The following SVIL variants were observed in gnomAD, a reference collection of about 807,000 sequenced individuals.
SVIL encodes the protein archvillin.
In SVIL, 101 loss-of-function variants were observed where a neutral mutation model predicts 240.4. The ratio of observed to expected loss-of-function variants is 0.42; its 90% CI spans 0.36 to 0.50. The LOEUF (loss-of-function observed/expected upper bound fraction) is 0.50, where lower values mean the gene tolerates loss of function less well. Ranked by LOEUF, SVIL falls within the 20% of genes least tolerant of loss-of-function variation. The pLI, the probability that SVIL is intolerant of heterozygous loss-of-function variation, is 0.01. For missense variants in SVIL, 2,512 were observed against 2,818.7 expected (o/e 0.89, Z 2.46); for synonymous variants, 999 against 1,100.0 (o/e 0.91, Z 1.82).
At chr10:29,574,152 C>CAATG (rs1955579762) in intron 1 of SVIL, among the ~76,000 whole-genome samples, 1 of 152,148 alleles carries the variant, frequency 6.6e-6, no homozygotes, top group South Asian at 2.1e-4. Flanking sequence ...TACTCAGGGG[C>CAATG]AATGCTTTAT....
chr10:29,463,363 C>A, intron 35 of SVIL, 129 bp downstream of exon 35: 1 of 1,296,084 alleles, frequency 7.7e-7, no homozygotes, highest in Non-Finnish European at 1.0e-6. Flanking sequence ...GGTTTCATCA[C>A]CACCTGCCAG....
intron 2 of SVIL, among the ~76,000 whole-genome samples, chr10:29,563,866 A>G (rs996394697): frequency 7.2e-6 from 1 of 139,724 alleles, no homozygotes; most frequent in South Asian, 2.3e-4. Flanking sequence ...ACTTTCCCCC[A>G]TGTATCTCCT....
At chr10:29,594,080 C>T (rs1182020782) in intron 1 of SVIL, among the ~76,000 whole-genome samples, 1 of 152,180 alleles carries the variant, frequency 6.6e-6, no homozygotes, top group Admixed American at 6.5e-5. Context: ...GACAATGACA[C>T]TTTTGATTTC....
chr10:29,563,207 GAAGTGCAACTAA>G lies in SVIL; in HGVS notation c.-69_-58del, dbSNP rs1954672237. On this transcript the variant is annotated 5_prime_UTR_variant, in exon 3 of 38. An upstream open reading frame in the 5' UTR loses its in-frame stop. Transcript: ENST00000355867. ...CACTTAGGAACAGCCTTACCTTTAG[GAAGTGCAACTAA>G]AAGCTGAGCATCGATTCCTCTTTCG... The G allele has an allele frequency of 1.0e-6, 1 of 979,128 alleles. No homozygotes were observed. Among genetic ancestry groups the G allele is most frequent in the Non-Finnish European group, 1.2e-6 (1 of 823,996 alleles). 60.7% of individuals were successfully genotyped at this position (979,128 alleles called of 1,614,324 possible). A position where few individuals can be genotyped will look rare whatever the true frequency, so the allele number is the denominator to read the frequency against.
At chr10:29,514,757 C>A (rs764615027) in intron 16 of SVIL, among the ~76,000 whole-genome samples, 1 of 152,096 alleles carries the variant, frequency 6.6e-6, no homozygotes, top group Non-Finnish European at 1.5e-5. Flanking sequence ...GTTCTCCCTC[C>A]TATATCTGTC....
chr10:29,514,626 C>T (rs1589066746), intron 16 of SVIL, among the ~76,000 whole-genome samples: 1 of 152,330 alleles, frequency 6.6e-6, no homozygotes. Flanking sequence ...AAGCGATCCC[C>T]TGCCTCAGCC....
chr10:29,619,986 G>A (rs1425486501), intron 1 of SVIL, among the ~76,000 whole-genome samples: 1 of 152,074 alleles, frequency 6.6e-6, no homozygotes, highest in East Asian at 1.9e-4. Context: ...ATCCTAAGAA[G>A]AAATAACAGC....
intron 17 of SVIL, among the ~76,000 whole-genome samples, chr10:29,505,952 G>A (rs974536851): frequency 2.0e-5 from 3 of 152,176 alleles, no homozygotes; most frequent in African/African-American, 7.2e-5. Flanking sequence ...AAATGGGGTA[G>A]GATTTGCACA....
intron 17 of SVIL, among the ~76,000 whole-genome samples, chr10:29,506,549 CG>C: frequency 6.6e-6 from 1 of 152,228 alleles, no homozygotes; most frequent in South Asian, 2.1e-4. Flanking sequence ...AGGCCCATCG[CG>C]GCACTGTCAG....
intron 1 of SVIL, among the ~76,000 whole-genome samples, chr10:29,588,091 T>C (rs1426645394): frequency 6.6e-6 from 1 of 151,834 alleles, no homozygotes; most frequent in African/African-American, 2.4e-5. Context: ...GGGGCCCCTT[T>C]GTCATTCAGA....
chr10:29,508,341 C>T, intron 17 of SVIL: 3 of 1,288,784 alleles, frequency 2.3e-6, no homozygotes, highest in Non-Finnish European at 3.0e-6. Flanking sequence ...GTCAGGCTTA[C>T]CCAAAGCAGA....
Position 29,458,056 on chromosome 10 carries a change from C to CCAAA in SVIL, c.*187_*190dup, listed in dbSNP as rs1943759158. 3 of 585,252 alleles carry CCAAA rather than the reference C, an allele frequency of 5.1e-6. No individual in the cohort carries two copies. Among genetic ancestry groups the CCAAA allele is most frequent in the Middle Eastern group, 4.6e-4 (1 of 2,160 alleles). 36.3% of individuals were successfully genotyped at this position (585,252 alleles called of 1,614,324 possible). A position where few individuals can be genotyped will look rare whatever the true frequency, so the allele number is the denominator to read the frequency against. On this transcript the variant is annotated 3_prime_UTR_variant, in exon 38 of 38. Transcript: ENST00000355867. ...CCTCCTGAATGGTGGAAAGAAGTTTCCAAACAGTTCCCTTGAACATTTACA... is the reference window on the plus strand; with the variant it reads ...CCTCCTGAATGGTGGAAAGAAGTTTCCAAACAAACAGTTCCCTTGAACATTTACA...
chr10:29,533,494 C>T, intron 7 of SVIL, 36 bp from the exon 8 acceptor site: 4 of 1,579,364 alleles, frequency 2.5e-6, no homozygotes, highest in Non-Finnish European at 3.4e-6. Context: ...TTGCAAAGTG[C>T]AGTAACGGCC....
chr10:29,661,245 C>T (rs1959153868), intron 2 of SVIL, among the ~76,000 whole-genome samples: 2 of 151,674 alleles, frequency 1.3e-5, no homozygotes, highest in African/African-American at 4.8e-5. Context: ...AAGGGAAAAC[C>T]TCAGTCACTA....
rs556763553 is a variant in SVIL, at chr10:29,621,056, G to GCAA, written c.-201+13363_-201+13364insTTG. Among the ~76,000 whole-genome samples the GCAA allele has an allele frequency of 4.9e-3, 714 of 145,228 alleles. 4 individuals carry two copies. The highest frequency in any genetic ancestry group is 0.018 in the African/African-American group (687 of 39,018). ...TGGCCTCAAGCAATTCTCCCACCTT[G>GCAA]GCCTCCCAAAGTGCTGGGATTACAG... is the stretch of plus-strand genomic sequence containing the variant. On this transcript the variant is annotated intron_variant, in intron 1 of 37. Transcript: ENST00000355867.
chr10:29,491,974 A>T (rs570677322), intron 21 of SVIL, among the ~76,000 whole-genome samples: 1 of 152,252 alleles, frequency 6.6e-6, no homozygotes, highest in Non-Finnish European at 1.5e-5. Flanking sequence ...AAACTGGAAT[A>T]TGCAAAGAAT....
At chr10:29,672,578 T>C (rs1021896639) in intron 2 of SVIL, among the ~76,000 whole-genome samples, 2 of 152,188 alleles carry the variant, frequency 1.3e-5, no homozygotes, top group African/African-American at 4.8e-5. Context: ...ATAATAAAAT[T>C]ACGCACATAA....
chr10:29,557,902 C>T (rs1384970257), intron 3 of SVIL, among the ~76,000 whole-genome samples: 2 of 152,146 alleles, frequency 1.3e-5, no homozygotes, highest in African/African-American at 4.8e-5. Flanking sequence ...ACTATGGGGG[C>T]GCTAATGGCT....
chr10:29,610,013 C>G (rs547759779), intron 1 of SVIL, among the ~76,000 whole-genome samples: 2 of 152,310 alleles, frequency 1.3e-5, no homozygotes, highest in East Asian at 3.9e-4. Context: ...ACACTGTGAC[C>G]TCCCTCCCCC....
Sources: gnomAD v4.1 joint callset for allele counts (sites outside exome capture counted in the v4.1 genomes callset) on GRCh38, gnomAD v4.1.1 for gene constraint, MANE v1.5 for transcripts, NCBI Gene and HGNC (gene_info 2026-07-23, HGNC 2026-07-21) for gene names.